The following MLLT3 variants were observed in gnomAD, a reference collection of about 807,000 sequenced individuals.
MLLT3 encodes MLLT3 super elongation complex subunit, also known as protein AF-9.
MLLT3 carries 4 observed loss-of-function variants against 53.2 expected under a neutral mutation model. That is an observed-to-expected ratio of 0.08 (90% CI 0.04 to 0.17). The LOEUF (loss-of-function observed/expected upper bound fraction) is 0.17, where lower values mean the gene tolerates loss of function less well. MLLT3 is among the 10% of genes least tolerant of loss of function. The pLI is 1.00. For missense variants in MLLT3, 569 were observed against 684.0 expected, an observed-to-expected ratio of 0.83 and a Z score of 1.87; for synonymous variants, 283 against 230.6, an observed-to-expected ratio of 1.23 and a Z score of -2.06.
At position 20,620,895 on chromosome 9, in the gene MLLT3, A is replaced by G; in HGVS notation, c.13-61T>C. The G allele has an allele frequency of 6.4e-7, 1 of 1,566,248 alleles. No individual in the cohort carries two copies. Among genetic ancestry groups the G allele is most frequent in the Middle Eastern group, 1.7e-4 (1 of 5,980 alleles). On this transcript the variant is annotated intron_variant, in intron 1 of 10. Transcript: ENST00000380338. The surrounding 1 kb of genome is among the most constrained non-coding windows in gnomAD (Gnocchi z 6.1). ...CAGGAAGGCGAGGTTTCGGCAGTGAACGTTGCGCCTGACATTTTTTTCCTC... is the reference window on the plus strand; with the variant it reads ...CAGGAAGGCGAGGTTTCGGCAGTGAGCGTTGCGCCTGACATTTTTTTCCTC...
chr9:20,572,705 G>C (rs1026047856), intron 2 of MLLT3, among the ~76,000 whole-genome samples: 1 of 152,086 alleles, frequency 6.6e-6, no homozygotes, highest in African/African-American at 2.4e-5. Flanking sequence ...GAGGCGGAAG[G>C]ATTGCTTGAA....
At chr9:20,468,105 G>C (rs909290199) in intron 2 of MLLT3, among the ~76,000 whole-genome samples, 1 of 152,140 alleles carries the variant, frequency 6.6e-6, no homozygotes, top group African/African-American at 2.4e-5. Flanking sequence ...ACTTCATATA[G>C]CTCCTATAAA....
intron 2 of MLLT3, among the ~76,000 whole-genome samples, chr9:20,483,976 G>C (rs894923488): frequency 6.6e-6 from 1 of 151,982 alleles, no homozygotes; most frequent in African/African-American, 2.4e-5. Context: ...CTCCCAAAGT[G>C]CTGGGATTAC....
In MLLT3 at chr9:20,431,151, T is replaced by A. The variant is rs1178484670; in HGVS notation, c.421-16726A>T. 3.9e-5 allele frequency among the ~76,000 whole-genome samples: 6 copies of A among 152,158 alleles called. No individual in the cohort carries two copies. The South Asian group carries it at 1.2e-3, about 32-fold the overall frequency. On this transcript the variant is annotated intron_variant, in intron 4 of 10. Transcript: ENST00000380338. ...ACTATTATATAAAATAAACCAAGGCTAAATAGGTGACTGCTCTATGACCCA... is the reference window on the plus strand; with the variant it reads ...ACTATTATATAAAATAAACCAAGGCAAAATAGGTGACTGCTCTATGACCCA...
intron 2 of MLLT3, among the ~76,000 whole-genome samples, chr9:20,566,038 TTATTTA>T (rs1470569772): frequency 8.0e-6 from 1 of 124,410 alleles, no homozygotes; most frequent in Non-Finnish European, 1.6e-5. Context: ...TTATATTTAT[TTATTTA>T]TATATATATT....
chr9:20,458,074 C>T (rs1824016907), intron 2 of MLLT3, among the ~76,000 whole-genome samples: 1 of 152,230 alleles, frequency 6.6e-6, no homozygotes, highest in Admixed American at 6.5e-5. Flanking sequence ...GGTCCTCCTT[C>T]TATCCCTTCC....
chr9:20,355,268 A>C (rs1821143227), intron 8 of MLLT3, among the ~76,000 whole-genome samples: 1 of 152,200 alleles, frequency 6.6e-6, no homozygotes, highest in African/African-American at 2.4e-5. Flanking sequence ...CTGCTGTTTC[A>C]GCATGACTAC....
chr9:20,601,208 A>C (rs1587120767), intron 2 of MLLT3, among the ~76,000 whole-genome samples: 1 of 152,206 alleles, frequency 6.6e-6, no homozygotes, highest in East Asian at 1.9e-4. Flanking sequence ...GCCCACCTTT[A>C]GTTCAGAATA....
intron 2 of MLLT3, among the ~76,000 whole-genome samples, chr9:20,470,992 AAC>A (rs1824376658): frequency 6.6e-6 from 1 of 152,026 alleles, no homozygotes; most frequent in African/African-American, 2.4e-5. Flanking sequence ...TGATTTATTT[AAC>A]ACCTTTCATC....
At chr9:20,361,781 G>A (rs777551730) in intron 7 of MLLT3, among the ~76,000 whole-genome samples, 36 of 151,978 alleles carry the variant, frequency 2.4e-4, no homozygotes, top group Non-Finnish European at 4.0e-4. Flanking sequence ...TCCTCTTTCC[G>A]TATTTGCTCC....
intron 2 of MLLT3, among the ~76,000 whole-genome samples, chr9:20,576,793 G>C (rs182902050): frequency 2.0e-5 from 3 of 152,200 alleles, no homozygotes; most frequent in Admixed American, 6.5e-5. Context: ...TGGAGAAATG[G>C]AGCAAATAGA....
chr9:20,604,677 A>C (rs1282790225), intron 2 of MLLT3, among the ~76,000 whole-genome samples: 2 of 152,088 alleles, frequency 1.3e-5, no homozygotes, highest in Non-Finnish European at 2.9e-5. Context: ...CCACTGGCAA[A>C]ACCTACAGCA....
intron 2 of MLLT3, among the ~76,000 whole-genome samples, chr9:20,542,496 C>T (rs1000232325): frequency 7.2e-5 from 11 of 152,194 alleles, no homozygotes; most frequent in East Asian, 1.9e-4. Flanking sequence ...ATGATCCACC[C>T]GCCTCGGCCT....
At chr9:20,426,862 T>C (rs566309667) in intron 4 of MLLT3, among the ~76,000 whole-genome samples, 2 of 152,042 alleles carry the variant, frequency 1.3e-5, no homozygotes, top group South Asian at 4.1e-4. Context: ...AAATGTGAAC[T>C]ACAATCACTC....
At chr9:20,547,177 A>G (rs10757138) in intron 2 of MLLT3, among the ~76,000 whole-genome samples, 67,527 of 151,636 alleles carry the variant, frequency 0.45, 15,273 homozygotes, top group South Asian at 0.52. Flanking sequence ...AAATTGAGAT[A>G]TGTTATATTC....
chr9:20,493,333 T>A (rs938730617), intron 2 of MLLT3, among the ~76,000 whole-genome samples: 1 of 152,014 alleles, frequency 6.6e-6, no homozygotes, highest in African/African-American at 2.4e-5. Flanking sequence ...TTAAAATATG[T>A]TAAAGATAGA....
Position 20,448,402 on chromosome 9 carries a change from GAA to G in MLLT3, c.277-138_277-137del. The G allele has an allele frequency of 7.0e-6, 4 of 569,464 alleles. No individual in the cohort carries two copies. Among genetic ancestry groups the G allele is most frequent in the East Asian group, 3.5e-5 (1 of 28,980 alleles). The allele number at this position is 569,464 out of a possible 1,614,324, so 35.3% of individuals were successfully genotyped here. On this transcript the variant is annotated intron_variant, in intron 3 of 10. Coordinates refer to ENST00000380338, the MANE Select transcript of MLLT3 (RefSeq NM_004529.4). The surrounding 1 kb of genome is among the most constrained non-coding windows in gnomAD (Gnocchi z 4.0). ...AGCTAAACTGTCAAAGTAGTACTGGGAAAAAAAAAAGTATCATGGAATCATCA... is the reference window on the plus strand; with the variant it reads ...AGCTAAACTGTCAAAGTAGTACTGGGAAAAAAAAGTATCATGGAATCATCA...
chr9:20,375,630 CAG>C (rs1185207096), intron 5 of MLLT3, among the ~76,000 whole-genome samples: 1 of 126,754 alleles, frequency 7.9e-6, no homozygotes, highest in South Asian at 2.4e-4. Context: ...TTTTTTGAGA[CAG>C]AGTCTTGCTC....
At chr9:20,409,753 T>C (rs1297827986) in intron 5 of MLLT3, among the ~76,000 whole-genome samples, 1 of 152,196 alleles carries the variant, frequency 6.6e-6, no homozygotes, top group Non-Finnish European at 1.5e-5. Flanking sequence ...AATTCTTCTG[T>C]AGGGGAAATT....
Sources: gnomAD v4.1 joint callset for allele counts (sites outside exome capture counted in the v4.1 genomes callset) on GRCh38, gnomAD v4.1.1 for gene constraint, Gnocchi (gnomAD v3.1) non-coding constraint, MANE v1.5 for transcripts, NCBI Gene and HGNC (gene_info 2026-07-23, HGNC 2026-07-21) for gene names.